KCTD13: variants seen among roughly 807,000 people sequenced by gnomAD.
KCTD13 encodes the protein potassium channel tetramerization domain containing 13, also known as BTB/POZ domain-containing adapter for CUL3-mediated RhoA degradation protein 1.
Under a neutral mutation model 32.3 loss-of-function variants are expected in KCTD13, and 15 were observed. The observed-to-expected ratio is 0.46, with a 90% CI of 0.31 to 0.71. The LOEUF (loss-of-function observed/expected upper bound fraction) is 0.71, where lower values mean the gene tolerates loss of function less well. Ranked by LOEUF, KCTD13 falls within the 30% of genes least tolerant of loss-of-function variation. The probability of loss-of-function intolerance (pLI) is 0.05; values close to 1 mark genes in which losing one functional copy is unlikely to be tolerated. For synonymous variants in KCTD13, 189 were observed against 200.1 expected (o/e 0.94, Z 0.47); for missense variants, 337 against 452.6 (o/e 0.74, Z 2.32).
intron 1 of KCTD13, among the ~76,000 whole-genome samples, chr16:29,924,425 C>A (rs1046725870): frequency 1.3e-5 from 2 of 152,098 alleles, no homozygotes; most frequent in Non-Finnish European, 2.9e-5. Context: ...TGTTAACCCC[C>A]GAAGTTAATT....
chr16:29,922,327 G>A (rs780327231), intron 2 of KCTD13: 3 of 152,028 alleles, frequency 2.0e-5, no homozygotes, highest in Non-Finnish European at 4.4e-5. Flanking sequence ...TCTATAAAGG[G>A]CATTCAAAAA....
chr16:29,918,771 C>G (rs994281939), intron 2 of KCTD13, among the ~76,000 whole-genome samples: 3 of 152,200 alleles, frequency 2.0e-5, no homozygotes, highest in Non-Finnish European at 4.4e-5. Context: ...GATTCTCCTG[C>G]CTCAGCCTCC....
Position 29,911,877 on chromosome 16 carries a change from G to GA in KCTD13, c.505-11dup. On this transcript the variant is annotated splice_polypyrimidine_tract_variant and intron_variant, in intron 3 of 5. Coordinates refer to ENST00000568000, the MANE Select transcript of KCTD13 (RefSeq NM_178863.5). ...GGAGCTTCACCACGGGCTGGCGGGG[G>GA]AGAGAGGATGGACGAGAGGGGTGAG... The GA allele has an allele frequency of 6.2e-7, 1 of 1,612,350 alleles. No homozygotes were observed. Among genetic ancestry groups the GA allele is most frequent in the Non-Finnish European group, 8.5e-7 (1 of 1,179,102 alleles).
Position 29,907,076 on chromosome 16 carries a change from C to G in KCTD13, c.786G>C (p.Glu262Asp). The change falls in exon 6 of 6, where the codon GAG becomes GAC. Residue 262 changes from glutamate to aspartate, a missense_variant. Transcript: ENST00000568000. ...VEFPEARIFE[E>D]TLNILIYETP... ...TCTCGTAGATGAGGATGTTCAGGGT[C>G]TCCTCGAAGATCCGGGCCTCTGGAA... 6.2e-7 allele frequency: 1 copy of G among 1,611,648 alleles called. No individual in the cohort carries two copies. Among genetic ancestry groups the G allele is most frequent in the Non-Finnish European group, 8.5e-7 (1 of 1,178,034 alleles).
chr16:29,908,194 G>A (rs772072114), intron 5 of KCTD13, among the ~76,000 whole-genome samples: 48 of 152,194 alleles, frequency 3.2e-4, no homozygotes, highest in Admixed American at 1.2e-3. Flanking sequence ...CAGGGCCAGC[G>A]TGAGAGCTGT....
rs2068721259 is a variant in KCTD13, at chr16:29,911,966, G to C, written c.498C>G (p.Thr166=). Residue 166 remains threonine, a synonymous_variant, in exon 3 of 6, where the codon ACC becomes ACG. Transcript: ENST00000568000. The part of the protein sequence containing the change: ...PREEQQLLAS[T]SKPVVKLLHN... The stretch of plus-strand genomic sequence containing the variant: ...CAGGGCTTGGGGGCCTCACCTTGGA[G>C]GTGCTGGCCAGGAGCTGCTGCTCCT... 6.2e-7 allele frequency: 1 copy of C among 1,611,442 alleles called. No homozygotes were observed. Among genetic ancestry groups the C allele is most frequent in the East Asian group, 2.2e-5 (1 of 44,850 alleles).
rs781471343 is a variant in KCTD13, at chr16:29,911,944, G to C, written c.504+16C>G. 6.2e-7 allele frequency: 1 copy of C among 1,610,532 alleles called. No homozygotes were observed. Among genetic ancestry groups the C allele is most frequent in the South Asian group, 1.1e-5 (1 of 90,904 alleles). ...CCCCCAGTGAGCCTCCACCCTGCAG[G>C]GCTTGGGGGCCTCACCTTGGAGGTG... On this transcript the variant is annotated intron_variant, in intron 3 of 5. Coordinates refer to ENST00000568000, the MANE Select transcript of KCTD13 (RefSeq NM_178863.5).
intron 1 of KCTD13, chr16:29,925,539 C>A: frequency 3.6e-6 from 2 of 562,998 alleles, no homozygotes; most frequent in South Asian, 4.0e-5. Flanking sequence ...AATCACTTAC[C>A]ACAGCGCCTG....
At position 29,906,724 on chromosome 16, in the gene KCTD13, G is replaced by A. The variant is rs2068619666; in HGVS notation, c.*148C>T. On this transcript the variant is annotated 3_prime_UTR_variant, in exon 6 of 6. Coordinates refer to ENST00000568000, the MANE Select transcript of KCTD13 (RefSeq NM_178863.5). ...CAATGGGGTTGGGATGGGTGGAGAA[G>A]GGCCAAAGTGAGCTGTGCCATGCAA... 1 of 702,094 alleles carries A rather than the reference G, an allele frequency of 1.4e-6. No individual in the cohort carries two copies. Among genetic ancestry groups the A allele is most frequent in the Non-Finnish European group, 2.5e-6 (1 of 396,966 alleles). 43.5% of individuals were successfully genotyped at this position (702,094 alleles called of 1,614,324 possible).
intron 4 of KCTD13, 142 bp downstream of exon 4, chr16:29,911,673 G>C (rs2068711999): frequency 3.8e-6 from 3 of 785,310 alleles, no homozygotes; most frequent in Non-Finnish European, 6.2e-6. Flanking sequence ...AGAGCGTCAG[G>C]GGTAAGAGGC....
Position 29,926,047 on chromosome 16 carries a change from G to C in KCTD13, c.-14C>G, listed in dbSNP as rs772320734. 4.8e-5 allele frequency: 72 copies of C among 1,486,840 alleles called. No homozygotes were observed. The highest frequency in any genetic ancestry group is 6.3e-5 in the Non-Finnish European group (71 of 1,125,452). 92.1% of individuals were successfully genotyped at this position (1,486,840 alleles called of 1,614,324 possible). ...CTCCGCCGACATGCCGGGTAGCAGC[G>C]GCGGACGGCGATCCCAGGATCTCTC... On this transcript the variant is annotated 5_prime_UTR_variant, in exon 1 of 6. Transcript: ENST00000568000.
intron 4 of KCTD13, 39 bp from the exon 5 acceptor site, chr16:29,911,212 C>T (rs1276826419): frequency 1.3e-6 from 2 of 1,523,468 alleles, no homozygotes; most frequent in Non-Finnish European, 1.8e-6. Context: ...GCGCAGTTGG[C>T]ACCCCTCCCT....
intron 2 of KCTD13, among the ~76,000 whole-genome samples, chr16:29,916,680 A>G (rs1215573660): frequency 6.6e-6 from 1 of 152,238 alleles, no homozygotes; most frequent in African/African-American, 2.4e-5. Flanking sequence ...CCTGGCCGAC[A>G]GAGCAAGACT....
At position 29,912,036 on chromosome 16, in the gene KCTD13, G is replaced by C; in HGVS notation, c.428C>G (p.Thr143Arg). The C allele has an allele frequency of 2.5e-6, 4 of 1,607,168 alleles. No homozygotes were observed. Among genetic ancestry groups the C allele is most frequent in the Non-Finnish European group, 3.4e-6 (4 of 1,176,708 alleles). The change falls in exon 3 of 6, where the codon ACG becomes AGG. Residue 143 changes from threonine (T) to arginine (R), a missense_variant. Around this residue, in one of 3 missense-constraint regions of KCTD13, gnomAD observed 252 missense variants for 340.2 expected, o/e 0.74. Transcript: ENST00000568000. ...CQLALQQKRE[T>R]LSPLCLIPMV... Reference sequence around the variant, plus strand: ...GGGGATGAGGCACAGCGGGGACAGCGTCTCCCTTTTTTGCTGGGGAAGAAG... The same window carrying C: ...GGGGATGAGGCACAGCGGGGACAGCCTCTCCCTTTTTTGCTGGGGAAGAAG...
intron 5 of KCTD13, 35 bp from the exon 6 acceptor site, chr16:29,907,143 C>A: frequency 6.7e-7 from 1 of 1,496,254 alleles, no homozygotes; most frequent in Middle Eastern, 1.8e-4. Flanking sequence ...CTCCTTCCTT[C>A]TGGTGCAGTC....
At chr16:29,916,135 C>T (rs555226016) in intron 2 of KCTD13, among the ~76,000 whole-genome samples, 88 of 152,242 alleles carry the variant, frequency 5.8e-4, no homozygotes, top group African/African-American at 1.7e-3. Context: ...AACTTTCTGC[C>T]GCTACACAAG....
chr16:29,908,437 C>T (rs1056589056), intron 5 of KCTD13, among the ~76,000 whole-genome samples: 6 of 151,730 alleles, frequency 4.0e-5, no homozygotes, highest in Admixed American at 1.3e-4. Context: ...CAGGCTGGAG[C>T]GCAATGGCAC....
chr16:29,924,710 G>T (rs1597033295), intron 1 of KCTD13, among the ~76,000 whole-genome samples: 1 of 148,956 alleles, frequency 6.7e-6, no homozygotes, highest in Non-Finnish European at 1.5e-5. Flanking sequence ...TTGGACAAAT[G>T]AATTCTTCCC....
intron 5 of KCTD13, among the ~76,000 whole-genome samples, chr16:29,907,979 TA>T (rs1171441273): frequency 0.011 from 1,567 of 137,250 alleles, 19 homozygotes; most frequent in African/African-American, 0.028. Context: ...CCTCATCTAT[TA>T]AAAAAAAAAA....
Sources: allele counts gnomAD v4.1 joint callset (sites outside exome capture counted in the v4.1 genomes callset), GRCh38; gene constraint gnomAD v4.1.1; regional missense constraint gnomAD v4.1.1; transcripts MANE v1.5; gene names NCBI Gene and HGNC (gene_info 2026-07-23, HGNC 2026-07-21).